Variants in ZC3HC1 observed in about 807,000 individuals in gnomAD.
The protein encoded by ZC3HC1 is zinc finger C3HC-type protein 1.
ZC3HC1 carries 38 observed loss-of-function variants against 61.9 expected under a neutral mutation model. That is an observed-to-expected ratio of 0.61 (90% CI 0.47 to 0.81). ZC3HC1 has a LOEUF of 0.81. ZC3HC1 is among the 30% of genes least tolerant of loss of function. ZC3HC1 has a pLI of 0.00. For synonymous variants in ZC3HC1, 213 were observed against 229.9 expected, an observed-to-expected ratio of 0.93 and a Z score of 0.67; for missense variants, 554 against 622.7, an observed-to-expected ratio of 0.89 and a Z score of 1.17.
At chr7:130,050,503 A>G (rs181786745) in intron 1 of ZC3HC1, 22 of 1,477,084 alleles carry the variant, frequency 1.5e-5, no homozygotes, top group Non-Finnish European at 2.0e-5. Context: ...GCCAAAAAAA[A>G]TTCACAGCAT....
chr7:130,038,859 CAAA>C (rs368582060), intron 4 of ZC3HC1, among the ~76,000 whole-genome samples: 1 of 86,572 alleles, frequency 1.2e-5, no homozygotes. Context: ...GGCTCTGTCT[CAAA>C]AAAAAAAAAA....
intron 2 of ZC3HC1, among the ~76,000 whole-genome samples, chr7:130,045,981 C>T (rs562068540): frequency 5.3e-5 from 8 of 150,692 alleles, no homozygotes; most frequent in Admixed American, 2.0e-4. Flanking sequence ...ATAAAAGGAA[C>T]GAGATCATGT....
At position 130,022,465 on chromosome 7, in the gene ZC3HC1, C is replaced by T; in HGVS notation, c.1294G>A (p.Val432Met). The T allele has an allele frequency of 6.2e-7, 1 of 1,612,122 alleles. No individual in the cohort carries two copies. Among genetic ancestry groups the T allele is most frequent in the African/African-American group, 1.3e-5 (1 of 75,002 alleles). The change falls in exon 9 of 10, where the codon GTG (valine) becomes ATG (methionine). Residue 432 changes from valine to methionine, a missense_variant. Physicochemically the swap from Val to Met is conservative, Grantham distance 21 (BLOSUM62 1). Coordinates refer to ENST00000358303, the MANE Select transcript of ZC3HC1 (RefSeq NM_016478.5). ...TSQHRDWCPW[V>M]NITLGKESRE... The stretch of plus-strand genomic sequence containing the variant: ...CTTTCTTTGCCAAGTGTGATATTCA[C>T]CCAAGGGCACCAGTCTCTATGCTGA...
intron 6 of ZC3HC1, among the ~76,000 whole-genome samples, chr7:130,025,102 C>T (rs1399801338): frequency 6.7e-6 from 1 of 149,556 alleles, no homozygotes; most frequent in Non-Finnish European, 1.5e-5. Context: ...GATGGGGTTT[C>T]ACCATGTTGG....
chr7:130,041,214 T>G, intron 2 of ZC3HC1, 113 bp from the exon 3 acceptor site: 1 of 1,240,964 alleles, frequency 8.1e-7, no homozygotes, highest in South Asian at 1.7e-5. Flanking sequence ...TTGAGAAAAG[T>G]TCTCACTCTG....
intron 3 of ZC3HC1, among the ~76,000 whole-genome samples, chr7:130,040,373 A>T (rs955856270): frequency 3.3e-5 from 5 of 150,276 alleles, no homozygotes; most frequent in Non-Finnish European, 7.4e-5. Context: ...AGGCACCTGT[A>T]GTCCCAGCTA....
intron 4 of ZC3HC1, among the ~76,000 whole-genome samples, chr7:130,037,530 G>A (rs1393288001): frequency 6.6e-6 from 1 of 152,184 alleles, no homozygotes; most frequent in Non-Finnish European, 1.5e-5. Context: ...ATAGGACCAA[G>A]TTTTGTTATA....
intron 9 of ZC3HC1, among the ~76,000 whole-genome samples, chr7:130,019,825 T>G (rs1378750563): frequency 4.1e-5 from 6 of 145,282 alleles, no homozygotes; most frequent in Non-Finnish European, 7.6e-5. Context: ...TTTTTTTTTT[T>G]TTTTTTTTTT....
intron 1 of ZC3HC1, chr7:130,050,400 T>C (rs1259907555): frequency 1.3e-6 from 2 of 1,532,188 alleles, no homozygotes; most frequent in Non-Finnish European, 8.7e-7. Context: ...TTAATAAAAA[T>C]AGGATTACAT....
intron 3 of ZC3HC1, 196 bp from the exon 4 acceptor site, chr7:130,039,743 A>G: frequency 2.1e-6 from 1 of 469,614 alleles, no homozygotes; most frequent in Non-Finnish European, 3.8e-6. Context: ...AGGAGATACC[A>G]TGTATCTTAT....
At chr7:130,049,189 C>T (rs1354657546) in intron 1 of ZC3HC1, 45 bp from the exon 2 acceptor site, 2 of 1,439,674 alleles carry the variant, frequency 1.4e-6, no homozygotes, top group African/African-American at 2.8e-5. Flanking sequence ...TCACAGTACC[C>T]TCTGCTTAAA....
intron 4 of ZC3HC1, among the ~76,000 whole-genome samples, chr7:130,034,372 C>T (rs900639650): frequency 1.3e-5 from 2 of 150,790 alleles, no homozygotes; most frequent in African/African-American, 4.9e-5. Context: ...GTAGTCCCAG[C>T]TACTGGGTTG....
chr7:130,040,075 T>C (rs1179180000), intron 3 of ZC3HC1, among the ~76,000 whole-genome samples: 3 of 150,684 alleles, frequency 2.0e-5, no homozygotes, highest in Non-Finnish European at 2.9e-5. Flanking sequence ...TAAAAGTCCT[T>C]TGTCACTCTT....
At chr7:130,051,404 A>G, upstream of ZC3HC1, 1 of 1,611,460 alleles carries the variant, frequency 6.2e-7, no homozygotes, top group Non-Finnish European at 8.5e-7. Context: ...GAGAGTTTGA[A>G]GGCTCCGGAA....
chr7:130,028,345 C>T (rs1380109178), intron 5 of ZC3HC1, among the ~76,000 whole-genome samples: 1 of 151,852 alleles, frequency 6.6e-6, no homozygotes, highest in African/African-American at 2.4e-5. Context: ...AGTTTGAGAA[C>T]GGCCTGACCA....
intron 4 of ZC3HC1, among the ~76,000 whole-genome samples, chr7:130,032,060 C>T (rs1440365482): frequency 6.6e-6 from 1 of 151,986 alleles, no homozygotes; most frequent in East Asian, 1.9e-4. Context: ...ACTGTCTCTA[C>T]TAAAAATACA....
intron 6 of ZC3HC1, 35 bp from the exon 7 acceptor site, chr7:130,024,541 T>G: frequency 6.3e-7 from 1 of 1,576,510 alleles, no homozygotes; most frequent in Admixed American, 1.8e-5. Context: ...TTTCTCAAAG[T>G]GTAACATTTC....
intron 2 of ZC3HC1, among the ~76,000 whole-genome samples, chr7:130,047,769 T>C (rs1794924469): frequency 6.6e-6 from 1 of 152,264 alleles, no homozygotes; most frequent in African/African-American, 2.4e-5. Context: ...GCTTTTAAGG[T>C]GGCTCCAATG....
chr7:130,036,973 T>C (rs1183701923), intron 4 of ZC3HC1: 1 of 152,206 alleles, frequency 6.6e-6, no homozygotes, highest in Non-Finnish European at 1.5e-5. Flanking sequence ...GTACCTATAA[T>C]ATTAAGTGGA....
Sources: allele counts gnomAD v4.1 joint callset (sites outside exome capture counted in the v4.1 genomes callset), GRCh38; gene constraint gnomAD v4.1.1; transcripts MANE v1.5; gene names NCBI Gene and HGNC (gene_info 2026-07-23, HGNC 2026-07-21).